The following AIG1 variants were observed in gnomAD, a reference collection of about 807,000 sequenced individuals.
AIG1 encodes androgen induced 1, also known as androgen-induced gene 1 protein.
In AIG1, 23 loss-of-function variants were observed where a neutral mutation model predicts 31.4. That is an observed-to-expected ratio of 0.73 (90% CI 0.53 to 1.04). AIG1 has a LOEUF of 1.04. Among genes scored for constraint, AIG1 ranks in the 50% least tolerant of loss-of-function variants. AIG1 has a pLI of 0.00. For missense variants in AIG1, 274 were observed against 295.0 expected (o/e 0.93, Z 0.52); for synonymous variants, 100 against 110.5 (o/e 0.90, Z 0.60).
chr6:143,330,611 G>GT lies in AIG1; in HGVS notation c.516-2670dup, dbSNP rs1197818875. Reference sequence around the variant, plus strand: ...CTAGGGACTCTGGCTTGTACTCTGAGTGGGAGAGGAAGCAAGTTTTGAGCA... The same window carrying GT: ...CTAGGGACTCTGGCTTGTACTCTGAGTTGGGAGAGGAAGCAAGTTTTGAGCA... On this transcript the variant is annotated intron_variant, in intron 4 of 5. Coordinates refer to ENST00000357847, the MANE Select transcript of AIG1 (RefSeq NM_016108.4). This position sits in a 1 kb window ranked among gnomAD's most constrained non-coding sequence, Gnocchi z 4.4. Among the ~76,000 whole-genome samples, 1 of 152,186 alleles carries GT rather than the reference G, an allele frequency of 6.6e-6. No individual in the cohort carries two copies. The highest frequency in any genetic ancestry group is 2.4e-5 in the African/African-American group (1 of 41,452).
intron 3 of AIG1, among the ~76,000 whole-genome samples, chr6:143,281,131 C>G (rs895489366): frequency 1.3e-5 from 2 of 152,116 alleles, no homozygotes. Flanking sequence ...AAATATAATA[C>G]TAATGCAGAA....
chr6:143,183,196 C>CT (rs35379724), intron 3 of AIG1, among the ~76,000 whole-genome samples: 34,232 of 132,782 alleles, frequency 0.26, 5,345 homozygotes, highest in East Asian at 0.76. Context: ...CGGACAATGG[C>CT]TTTTTTTTTT....
At chr6:143,212,137 G>A (rs752977346) in intron 3 of AIG1, among the ~76,000 whole-genome samples, 3 of 152,050 alleles carry the variant, frequency 2.0e-5, no homozygotes, top group Non-Finnish European at 4.4e-5. Flanking sequence ...TTTGTGACAG[G>A]CAAAAATGTC....
intron 2 of AIG1, among the ~76,000 whole-genome samples, chr6:143,147,718 C>G (rs79535798): frequency 1.5e-4 from 23 of 152,114 alleles, no homozygotes; most frequent in African/African-American, 5.3e-4. Flanking sequence ...ACACCACATA[C>G]GGAAGCCTCT....
chr6:143,124,802 C>T (rs1309236409), intron 1 of AIG1, among the ~76,000 whole-genome samples: 1 of 152,074 alleles, frequency 6.6e-6, no homozygotes, highest in Non-Finnish European at 1.5e-5. Context: ...GCTTATAAAA[C>T]CATCAGATCT....
chr6:143,098,528 T>C (rs1583169062), intron 1 of AIG1, among the ~76,000 whole-genome samples: 1 of 152,222 alleles, frequency 6.6e-6, no homozygotes, highest in African/African-American at 2.4e-5. Context: ...ATTCACTACC[T>C]TGGGGAACTC....
chr6:143,226,246 A>ATATTT (rs567989848), intron 3 of AIG1, among the ~76,000 whole-genome samples: 2 of 142,016 alleles, frequency 1.4e-5, no homozygotes, highest in South Asian at 2.2e-4. Context: ...ATATATATAT[A>ATATTT]TTTTTTTTTT....
intron 3 of AIG1, among the ~76,000 whole-genome samples, chr6:143,213,477 G>T (rs1227931697): frequency 6.9e-6 from 1 of 144,512 alleles, no homozygotes; most frequent in Non-Finnish European, 1.5e-5. Context: ...AAGTGCACAA[G>T]TGTCTGGAAA....
chr6:143,187,259 A>G (rs1789346439), intron 3 of AIG1: 8 of 731,274 alleles, frequency 1.1e-5, no homozygotes, highest in South Asian at 5.1e-5. Flanking sequence ...CATCATACCT[A>G]TTTGAAAGAT....
At chr6:143,226,429 A>G (rs1487143423) in intron 3 of AIG1, among the ~76,000 whole-genome samples, 2 of 151,076 alleles carry the variant, frequency 1.3e-5, no homozygotes, top group African/African-American at 4.9e-5. Flanking sequence ...TTTTTTTAGT[A>G]GAGATGGGGT....
chr6:143,208,063 G>A (rs72990433), intron 3 of AIG1, among the ~76,000 whole-genome samples: 5,587 of 152,184 alleles, frequency 0.037, 116 homozygotes, highest in Middle Eastern at 0.088. Context: ...CATCTAAAGC[G>A]TGCTAAGGAA....
Position 143,172,865 on chromosome 6 carries a change from C to T in AIG1, c.399+7682C>T, listed in dbSNP as rs374243677. Among the ~76,000 whole-genome samples the T allele has an allele frequency of 7.2e-5, 11 of 152,122 alleles. No homozygotes were observed. In the East Asian group the frequency reaches 7.7e-4, roughly 11 times the overall value. On this transcript the variant is annotated intron_variant, in intron 3 of 5. Coordinates refer to ENST00000357847, the MANE Select transcript of AIG1 (RefSeq NM_016108.4). ...AGTTTATGTGCATAAAGGTGTTCAC[C>T]GTAGCCTTGAATGATCGTTTGTGTT...
rs192544201 is a variant in AIG1 at position 143,091,871 on chromosome 6, T to G, written c.141+30805T>G. Among the ~76,000 whole-genome samples, 450 of 152,330 alleles carry G rather than the reference T, an allele frequency of 3.0e-3. 4 individuals carry two copies. The highest frequency in any genetic ancestry group is 0.01 in the African/African-American group (432 of 41,568). On this transcript the variant is annotated intron_variant, in intron 1 of 5. Transcript: ENST00000357847. ...ACTATTGCTTCTCTTTGTTTAATTT[T>G]GTTACTTTTTTCCTCTATAAAATAG...
chr6:143,308,806 C>T (rs1239679687), intron 4 of AIG1, among the ~76,000 whole-genome samples: 2 of 152,114 alleles, frequency 1.3e-5, no homozygotes, highest in Non-Finnish European at 2.9e-5. Context: ...CCTTTAGTGC[C>T]TCCATTTTAG....
chr6:143,104,470 C>A (rs1241731738), intron 1 of AIG1, among the ~76,000 whole-genome samples: 2 of 152,136 alleles, frequency 1.3e-5, no homozygotes, highest in African/African-American at 4.8e-5. Context: ...GTTGTTTGTC[C>A]CAAGTGGGCA....
At chr6:143,142,364 T>C (rs1043540614) in intron 2 of AIG1, among the ~76,000 whole-genome samples, 7 of 152,200 alleles carry the variant, frequency 4.6e-5, no homozygotes, top group Admixed American at 4.6e-4. Flanking sequence ...CAAGCTACCA[T>C]ACCCAGCTAA....
chr6:143,303,015 A>C (rs1798942621), intron 4 of AIG1, among the ~76,000 whole-genome samples: 1 of 152,092 alleles, frequency 6.6e-6, no homozygotes. Flanking sequence ...TGGCTGCATA[A>C]ATGTCTTCTT....
At chr6:143,222,251 A>G (rs1792577715) in intron 3 of AIG1, among the ~76,000 whole-genome samples, 1 of 152,308 alleles carries the variant, frequency 6.6e-6, no homozygotes, top group South Asian at 2.1e-4. Flanking sequence ...TTAGTAAGGA[A>G]CATCAGGAAA....
At chr6:143,083,558 A>G (rs899205551) in intron 1 of AIG1, among the ~76,000 whole-genome samples, 2 of 152,182 alleles carry the variant, frequency 1.3e-5, no homozygotes, top group Non-Finnish European at 2.9e-5. Context: ...TAGAGGGACA[A>G]TGGCCTCATT....
Sources: allele counts gnomAD v4.1 joint callset (sites outside exome capture counted in the v4.1 genomes callset), GRCh38; gene constraint gnomAD v4.1.1; non-coding constraint Gnocchi (gnomAD v3.1); transcripts MANE v1.5; gene names NCBI Gene and HGNC (gene_info 2026-07-23, HGNC 2026-07-21).